Variants in UNC5C observed in about 807,000 individuals in gnomAD.
UNC5C encodes netrin receptor UNC5C.
In UNC5C, 47 loss-of-function variants were observed where a neutral mutation model predicts 99.8. That is an observed-to-expected ratio of 0.47 (90% CI 0.37 to 0.60). The LOEUF is 0.60. Among genes scored for constraint, UNC5C ranks in the 20% least tolerant of loss-of-function variants. The pLI, the probability that UNC5C is intolerant of heterozygous loss-of-function variation, is 0.00. For synonymous variants in UNC5C, 487 were observed against 452.2 expected (o/e 1.08, Z -0.98); for missense variants, 1,062 against 1,165.9 (o/e 0.91, Z 1.30).
At chr4:95,539,216 G>A (rs149465833) in intron 1 of UNC5C, among the ~76,000 whole-genome samples, 75 of 152,262 alleles carry the variant, frequency 4.9e-4, no homozygotes, top group Middle Eastern at 3.4e-3. Context: ...CATAAAAGTC[G>A]ACAGTCTCCT....
intron 7 of UNC5C, among the ~76,000 whole-genome samples, chr4:95,239,055 T>C (rs954156004): frequency 2.6e-5 from 4 of 152,218 alleles, no homozygotes; most frequent in Admixed American, 2.6e-4. Context: ...TCATTTATTA[T>C]TGCTGACTCT....
At position 95,185,247 on chromosome 4, in the gene UNC5C, C is replaced by T. The variant is rs771386500; in HGVS notation, c.2137-51G>A. 16 of 1,544,924 alleles carry T rather than the reference C, an allele frequency of 1.0e-5. No homozygotes were observed. The Admixed American group carries it at 3.4e-4, about 33-fold the overall frequency. On this transcript the variant is annotated intron_variant, in intron 12 of 15. Transcript: ENST00000453304. The stretch of plus-strand genomic sequence containing the variant: ...AGCACGTTATTGATTTGGATCACTT[C>T]TGTCAGCTCTCTCATTGAATAAGTT...
chr4:95,378,622 G>GAT (rs1173095988), intron 1 of UNC5C, among the ~76,000 whole-genome samples: 1 of 152,094 alleles, frequency 6.6e-6, no homozygotes, highest in Non-Finnish European at 1.5e-5. Context: ...ATCTCCAATA[G>GAT]ATATTTATTT....
chr4:95,295,236 T>A (rs1352938620), intron 3 of UNC5C, among the ~76,000 whole-genome samples: 1 of 152,210 alleles, frequency 6.6e-6, no homozygotes, highest in Non-Finnish European at 1.5e-5. Context: ...ATGATGACAC[T>A]GGGAGCTGTA....
intron 1 of UNC5C, among the ~76,000 whole-genome samples, chr4:95,380,487 C>T (rs1393936673): frequency 1.3e-5 from 2 of 149,248 alleles, no homozygotes; most frequent in Non-Finnish European, 3.0e-5. Context: ...ACTGTGTTGC[C>T]CAGGCTGGTC....
chr4:95,510,524 C>A (rs74566062), intron 1 of UNC5C, among the ~76,000 whole-genome samples: 3,464 of 152,072 alleles, frequency 0.023, 129 homozygotes, highest in African/African-American at 0.074. Context: ...ATACATATAT[C>A]TCTGTACTAG....
Position 95,301,675 on chromosome 4 carries a change from A to C in UNC5C, c.421T>G (p.Trp141Gly). 6.2e-7 allele frequency: 1 copy of C among 1,613,740 alleles called. No homozygotes were observed. Among genetic ancestry groups the C allele is most frequent in the Non-Finnish European group, 8.5e-7 (1 of 1,180,034 alleles). The change falls in exon 3 of 16, where the codon TGG (tryptophan) becomes GGG (glycine). Residue 141 changes from tryptophan (W) to glycine (G), a missense_variant. Trp to Gly is a radical substitution (Grantham distance 184). Coordinates refer to ENST00000453304, the MANE Select transcript of UNC5C (RefSeq NM_003728.4). ...VEELFGPEDY[W>G]CQCVAWSSAG... ...GAGCTCCAGGCCACACACTGGCACC[A>C]GTAATCTTCAGGTCCAAAGAGTTCT...
intron 14 of UNC5C, among the ~76,000 whole-genome samples, chr4:95,178,371 C>T (rs769728735): frequency 1.6e-4 from 25 of 152,322 alleles, no homozygotes; most frequent in African/African-American, 5.8e-4. Flanking sequence ...GAGGTCTCCT[C>T]GGTGCCTCCC....
intron 12 of UNC5C, among the ~76,000 whole-genome samples, chr4:95,195,875 G>T (rs754876799): frequency 3.1e-4 from 47 of 151,552 alleles, no homozygotes; most frequent in Admixed American, 5.9e-4. Context: ...ATCCAAGGAA[G>T]GTCTTCTCCA....
chr4:95,437,514 A>T (rs1259197839), intron 1 of UNC5C, among the ~76,000 whole-genome samples: 1 of 152,050 alleles, frequency 6.6e-6, no homozygotes, highest in African/African-American at 2.4e-5. Flanking sequence ...ATTTTATAAG[A>T]GATGCTGAAT....
At chr4:95,357,052 T>G (rs2149432699) in intron 1 of UNC5C, among the ~76,000 whole-genome samples, 1 of 152,270 alleles carries the variant, frequency 6.6e-6, no homozygotes, top group African/African-American at 2.4e-5. Flanking sequence ...TCCAACCCAT[T>G]TCTAATTCAT....
rs541360532 is a variant in UNC5C at position 95,499,275 on chromosome 4, T to C, written c.124+49459A>G. Reference sequence around the variant, plus strand: ...CTTAGGCAACTGCAGACCTGGTCACTGTCCCATCAGGAATGTTTTGAAGGC... The same window carrying C: ...CTTAGGCAACTGCAGACCTGGTCACCGTCCCATCAGGAATGTTTTGAAGGC... On this transcript the variant is annotated intron_variant, in intron 1 of 15. Coordinates refer to ENST00000453304, the MANE Select transcript of UNC5C (RefSeq NM_003728.4). Among the ~76,000 whole-genome samples the C allele has an allele frequency of 2.0e-5, 3 of 152,224 alleles. No individual in the cohort carries two copies. The East Asian group carries it at 5.8e-4, about 30-fold the overall frequency.
At chr4:95,209,231 C>A (rs1309437316) in intron 10 of UNC5C, among the ~76,000 whole-genome samples, 1 of 152,162 alleles carries the variant, frequency 6.6e-6, no homozygotes. Context: ...AATGCTATCG[C>A]TGTGGGTAAT....
At chr4:95,394,494 A>C (rs1294659175) in intron 1 of UNC5C, among the ~76,000 whole-genome samples, 1 of 152,234 alleles carries the variant, frequency 6.6e-6, no homozygotes, top group Non-Finnish European at 1.5e-5. Flanking sequence ...AATATAAAGG[A>C]GTACTTTTAC....
At chr4:95,206,902 C>CT (rs35063112) in intron 10 of UNC5C, 106 bp from the exon 11 acceptor site, 219,749 of 507,272 alleles carry the variant, frequency 0.43, 26,195 homozygotes, top group African/African-American at 0.54. Context: ...TCCTGGAATT[C>CT]TTTTTTTTTT....
intron 2 of UNC5C, among the ~76,000 whole-genome samples, chr4:95,306,545 G>GA (rs1223459308): frequency 4.6e-5 from 7 of 152,004 alleles, no homozygotes; most frequent in Non-Finnish European, 8.8e-5. Context: ...AGGTGACACT[G>GA]AAAAAAATCA....
chr4:95,327,933 T>C (rs989893071), intron 2 of UNC5C, among the ~76,000 whole-genome samples: 1 of 140,542 alleles, frequency 7.1e-6, no homozygotes, highest in Non-Finnish European at 1.6e-5. Context: ...TCACACTGAC[T>C]CTTCACGGAG....
intron 1 of UNC5C, among the ~76,000 whole-genome samples, chr4:95,472,629 CATATAAATT>C (rs1440673002): frequency 6.6e-6 from 1 of 152,064 alleles, no homozygotes; most frequent in African/African-American, 2.4e-5. Context: ...CCATGGTACA[CATATAAATT>C]CACCTTTCAA....
In UNC5C at chr4:95,206,749, C is replaced by G; in HGVS notation, c.1781G>C (p.Cys594Ser). 1 of 1,613,474 alleles carries G rather than the reference C, an allele frequency of 6.2e-7. No homozygotes were observed. Among genetic ancestry groups the G allele is most frequent in the Non-Finnish European group, 8.5e-7 (1 of 1,179,696 alleles). ...GGTGAGCAGAGCTCCTGGGGGCCCA[C>G]AGCTCACCACAGGGGTCAAAAGTGT... ...SQTLLTPVVS[C>S]GPPGALLTRP... is the part of the protein sequence containing the mutation. The change falls in exon 11 of 16, where the codon TGT becomes TCT. Residue 594 changes from cysteine to serine, a missense_variant. By Grantham distance (112) the Cys-to-Ser change is moderately radical. Transcript: ENST00000453304.
Sources: gnomAD v4.1 joint callset for allele counts (sites outside exome capture counted in the v4.1 genomes callset) on GRCh38, gnomAD v4.1.1 for gene constraint, MANE v1.5 for transcripts, NCBI Gene and HGNC (gene_info 2026-07-23, HGNC 2026-07-21) for gene names.